The following HUS1B variants were observed in gnomAD, a reference collection of about 807,000 sequenced individuals.
The protein encoded by HUS1B is checkpoint protein HUS1B.
For missense variants in HUS1B, 475 were observed against 390.4 expected, an observed-to-expected ratio of 1.22 and a Z score of -1.83; for synonymous variants, 207 against 176.2, an observed-to-expected ratio of 1.17 and a Z score of -1.38.
Position 656,580 on chromosome 6 carries a change from A to T in HUS1B, c.365T>A (p.Leu122Gln). 1 of 1,592,674 alleles carries T rather than the reference A, an allele frequency of 6.3e-7. No individual in the cohort carries two copies. Among genetic ancestry groups the T allele is most frequent in the Non-Finnish European group, 8.5e-7 (1 of 1,170,236 alleles). The change falls in exon 1 of 1, where the codon CTG becomes CAG. Residue 122 changes from leucine (L) to glutamine (Q), a missense_variant. Coordinates refer to ENST00000380907, the MANE Select transcript of HUS1B (RefSeq NM_148959.4). ...GTGCACCACGCTGCGAGCGCGGCCCAGGGACGAGACCAGCTCCACCGCCAC... is the reference window on the plus strand; with the variant it reads ...GTGCACCACGCTGCGAGCGCGGCCCTGGGACGAGACCAGCTCCACCGCCAC... ...LTVAVELVSSLGRARSVVHDL... is the reference protein window; with the variant it reads ...LTVAVELVSSQGRARSVVHDL...
Position 656,454 on chromosome 6 carries a change from G to A in HUS1B, c.491C>T (p.Thr164Met), listed in dbSNP as rs996309309. 1 of 1,612,928 alleles carries A rather than the reference G, an allele frequency of 6.2e-7. No individual in the cohort carries two copies. The highest frequency in any genetic ancestry group is 1.3e-5 in the African/African-American group (1 of 74,934). The change falls in exon 1 of 1, where the codon ACG becomes ATG. Residue 164 changes from threonine to methionine, a missense_variant. Physicochemically the swap from Thr to Met is moderately conservative, Grantham distance 81. Coordinates refer to ENST00000380907, the MANE Select transcript of HUS1B (RefSeq NM_148959.4). ...DASIRLPRWR[T>M]LRSIVERMAN... ...CATCCTCTCCACGATGCTCCTCAGC[G>A]TCCTCCAGCGCGGCAGGCGGATGCT... is the stretch of plus-strand genomic sequence containing the variant.
Position 657,038 on chromosome 6 carries a change from C to G in HUS1B, c.-94G>C, listed in dbSNP as rs986162279. On this transcript the variant is annotated 5_prime_UTR_variant, in exon 1 of 1. Coordinates refer to ENST00000380907, the MANE Select transcript of HUS1B (RefSeq NM_148959.4). ...CTGGGGTCCGTGGCGCTGCCCTCCC[C>G]GCCCTCCCTCCGGCCCCCCAGCTAG... 12 of 1,076,054 alleles carry G rather than the reference C, an allele frequency of 1.1e-5. No homozygotes were observed. The African/African-American group carries it at 1.7e-4, about 15-fold the overall frequency. 66.7% of individuals were successfully genotyped at this position (1,076,054 alleles called of 1,614,324 possible).
At position 656,350 on chromosome 6, in the gene HUS1B, A is replaced by G. The variant is rs370776953; in HGVS notation, c.595T>C (p.Ser199Pro). The change falls in exon 1 of 1, where the codon TCC becomes CCC. Residue 199 changes from serine (S) to proline (P), a missense_variant. Coordinates refer to ENST00000380907, the MANE Select transcript of HUS1B (RefSeq NM_148959.4). ...MTLSIETEVV[S>P]IQSYFKNLGN... ...AGATTTTTAAAATAACTTTGAATGG[A>G]CACCACCTCCGTCTCTATACTCAGG... 74 of 1,614,008 alleles carry G rather than the reference A, an allele frequency of 4.6e-5. No homozygotes were observed. Among genetic ancestry groups the G allele is most frequent in the Non-Finnish European group, 6.3e-5 (74 of 1,180,018 alleles).
rs952087853 is a variant in HUS1B at position 656,697 on chromosome 6, G to C, written c.248C>G (p.Thr83Arg). The change falls in exon 1 of 1, where the codon ACG becomes AGG. Residue 83 changes from threonine to arginine, a missense_variant. By Grantham distance (71) the Thr-to-Arg change is moderately conservative. Transcript: ENST00000380907. Reference protein sequence around the residue: ...EDLDEIHLELTAEHLSRAARS... With the variant: ...EDLDEIHLELRAEHLSRAARS... ...CGCCGCCCGGGACAGGTGCTCCGCC[G>C]TCAGCTCCAGGTGGATCTCATCGAG... 16 of 1,605,216 alleles carry C rather than the reference G, an allele frequency of 1.0e-5. No homozygotes were observed. The highest frequency in any genetic ancestry group is 1.4e-5 in the Non-Finnish European group (16 of 1,175,924).
chr6:656,079 TA>T lies in HUS1B; in HGVS notation c.*28del, dbSNP rs573327985. On this transcript the variant is annotated 3_prime_UTR_variant, in exon 1 of 1. Transcript: ENST00000380907. ...TTTAGTTTTGAAAAGATCAAAACCT[TA>T]AAAAAAAAATCTAAGCTGGCTGAAT... 3,996 of 1,385,730 alleles carry T rather than the reference TA, an allele frequency of 2.9e-3. 37 individuals carry two copies. The African/African-American group carries it at 0.036, about 13-fold the overall frequency. 85.8% of individuals were successfully genotyped at this position (1,385,730 alleles called of 1,614,324 possible). A position where few individuals can be genotyped will look rare whatever the true frequency, so the allele number is the denominator to read the frequency against.
chr6:657,025 G>T lies in HUS1B; in HGVS notation c.-81C>A. ...CCCTTCCGGTCCGCTGGGGTCCGTG[G>T]CGCTGCCCTCCCCGCCCTCCCTCCG... is the stretch of plus-strand genomic sequence containing the variant. On this transcript the variant is annotated 5_prime_UTR_variant, in exon 1 of 1. Coordinates refer to ENST00000380907, the MANE Select transcript of HUS1B (RefSeq NM_148959.4). The T allele has an allele frequency of 8.2e-7, 1 of 1,216,866 alleles. No individual in the cohort carries two copies. 75.4% of individuals were successfully genotyped at this position (1,216,866 alleles called of 1,614,324 possible).
Position 657,050 on chromosome 6 carries a change from GGC to G in HUS1B, c.-108_-107del, listed in dbSNP as rs200930607. The G allele has an allele frequency of 3.0e-3, 2,904 of 961,668 alleles. 58 individuals carry two copies. The African/African-American group carries it at 0.044, about 15-fold the overall frequency. 59.6% of individuals were successfully genotyped at this position (961,668 alleles called of 1,614,324 possible). On this transcript the variant is annotated 5_prime_UTR_variant, in exon 1 of 1. Transcript: ENST00000380907. ...GCGCTGCCCTCCCCGCCCTCCCTCC[GGC>G]CCCCCAGCTAGGCAGGCACTCGGGT...
chr6:656,038 T>C lies in HUS1B; in HGVS notation c.*70A>G. 8.5e-7 allele frequency: 1 copy of C among 1,179,336 alleles called. No homozygotes were observed. The highest frequency in any genetic ancestry group is 1.4e-5 in the South Asian group (1 of 69,596). The allele number at this position is 1,179,336 out of a possible 1,614,324, so 73.1% of individuals were successfully genotyped here. On this transcript the variant is annotated 3_prime_UTR_variant, in exon 1 of 1. Transcript: ENST00000380907. ...GTGAAGGTCCAAATTTTCAACCCAATTAACTCAGGGTCTGTTTTAGTTTTG... is the reference window on the plus strand; with the variant it reads ...GTGAAGGTCCAAATTTTCAACCCAACTAACTCAGGGTCTGTTTTAGTTTTG...
At position 655,945 on chromosome 6, in the gene HUS1B, A is replaced by C. The variant is rs1763054569; in HGVS notation, c.*163T>G. 5.1e-6 allele frequency: 3 copies of C among 585,590 alleles called. No individual in the cohort carries two copies. The allele number at this position is 585,590 out of a possible 1,614,324, so 36.3% of individuals were successfully genotyped here. A position where few individuals can be genotyped will look rare whatever the true frequency, so the allele number is the denominator to read the frequency against. On this transcript the variant is annotated 3_prime_UTR_variant, in exon 1 of 1. Coordinates refer to ENST00000380907, the MANE Select transcript of HUS1B (RefSeq NM_148959.4). ...AAAACATGAACTACCCAACTGTTTT[A>C]CCAATGCTTTAATATAAATTTTGCA...
At position 656,790 on chromosome 6, in the gene HUS1B, G is replaced by T; in HGVS notation, c.155C>A (p.Ala52Asp). 6.2e-7 allele frequency: 1 copy of T among 1,603,544 alleles called. No individual in the cohort carries two copies. Among genetic ancestry groups the T allele is most frequent in the African/African-American group, 1.3e-5 (1 of 74,726 alleles). ...GPAGSGGLHE[A>D]RLWCEVRQGA... ...CTGCCGCACCTCGCACCACAGCCTGGCCTCGTGGAGGCCGCCGGAACCCGC... is the reference window on the plus strand; with the variant it reads ...CTGCCGCACCTCGCACCACAGCCTGTCCTCGTGGAGGCCGCCGGAACCCGC... Residue 52 changes from alanine to aspartate, a missense_variant, in exon 1 of 1, where the codon GCC becomes GAC. Ala to Asp is a moderately radical substitution (Grantham distance 126). Coordinates refer to ENST00000380907, the MANE Select transcript of HUS1B (RefSeq NM_148959.4).
In HUS1B at chr6:656,565, C is replaced by T. The variant is rs754570913; in HGVS notation, c.380G>A (p.Ser127Asn). 1.2e-5 allele frequency: 19 copies of T among 1,592,570 alleles called. No individual in the cohort carries two copies. The East Asian group carries it at 4.3e-4, about 36-fold the overall frequency. ...ELVSSLGRAR[S>N]VVHDLPVRVL... ...CCGCACGGGCAGATCGTGCACCACG[C>T]TGCGAGCGCGGCCCAGGGACGAGAC... is the stretch of plus-strand genomic sequence containing the variant. The change falls in exon 1 of 1, where the codon AGC becomes AAC. Residue 127 changes from serine to asparagine, a missense_variant. By Grantham distance (46) the Ser-to-Asn change is conservative. Transcript: ENST00000380907.
Position 656,088 on chromosome 6 carries a change from A to T in HUS1B, c.*20T>A. On this transcript the variant is annotated 3_prime_UTR_variant, in exon 1 of 1. Coordinates refer to ENST00000380907, the MANE Select transcript of HUS1B (RefSeq NM_148959.4). ...GAAAAGATCAAAACCTTAAAAAAAA[A>T]ATCTAAGCTGGCTGAATTTTTACAA... 1.3e-6 allele frequency: 2 copies of T among 1,562,936 alleles called. No homozygotes were observed. Among genetic ancestry groups the T allele is most frequent in the Non-Finnish European group, 1.8e-6 (2 of 1,142,152 alleles).
At position 656,711 on chromosome 6, in the gene HUS1B, G is replaced by T; in HGVS notation, c.234C>A (p.Ile78=). The T allele has an allele frequency of 2.5e-6, 4 of 1,601,878 alleles. No individual in the cohort carries two copies. Among genetic ancestry groups the T allele is most frequent in the Non-Finnish European group, 3.4e-6 (4 of 1,173,596 alleles). Residue 78 remains isoleucine (I), a synonymous_variant, in exon 1 of 1, where the codon ATC becomes ATA. Coordinates refer to ENST00000380907, the MANE Select transcript of HUS1B (RefSeq NM_148959.4). ...MEGVSEDLDE[I]HLELTAEHLS... is the part of the protein sequence containing the mutation. ...GGTGCTCCGCCGTCAGCTCCAGGTGGATCTCATCGAGATCTTCCGAGACAC... is the reference window on the plus strand; with the variant it reads ...GGTGCTCCGCCGTCAGCTCCAGGTGTATCTCATCGAGATCTTCCGAGACAC...
Position 656,819 on chromosome 6 carries a change from G to A in HUS1B, c.126C>T (p.Gly42=). The change falls in exon 1 of 1, where the codon GGC becomes GGT. Residue 42 remains glycine, a synonymous_variant. Transcript: ENST00000380907. ...CGTGGAGGCCGCCGGAACCCGCGGG[G>A]CCGAAGCACAGGCTGTCAGGGCGCA... ...LRVRPDSLCF[G]PAGSGGLHEA... 8 of 1,609,516 alleles carry A rather than the reference G, an allele frequency of 5.0e-6. No individual in the cohort carries two copies. Among genetic ancestry groups the A allele is most frequent in the African/African-American group, 1.3e-5 (1 of 74,902 alleles).
rs201555162 is a variant in HUS1B, at chr6:656,891, G to C, written c.54C>G (p.His18Gln). ...TGKGCLELFIHVSGTVARLAK... is the reference protein window; with the variant it reads ...TGKGCLELFIQVSGTVARLAK... ...CTAGCCTCGCGACGGTGCCGCTGAC[G>C]TGAATGAACAGCTCTAGACAGCCTT... is the stretch of plus-strand genomic sequence containing the variant. Residue 18 changes from histidine to glutamine, a missense_variant, in exon 1 of 1, where the codon CAC becomes CAG. His to Gln is a conservative substitution (Grantham distance 24). Transcript: ENST00000380907. 3 of 1,597,456 alleles carry C rather than the reference G, an allele frequency of 1.9e-6. No homozygotes were observed. Among genetic ancestry groups the C allele is most frequent in the South Asian group, 1.1e-5 (1 of 89,084 alleles).
rs1763128895 is a variant in HUS1B at position 656,749 on chromosome 6, A to G, written c.196T>C (p.Phe66Leu). The change falls in exon 1 of 1, where the codon TTT (phenylalanine) becomes CTT (leucine). Residue 66 changes from phenylalanine (F) to leucine (L), a missense_variant. Coordinates refer to ENST00000380907, the MANE Select transcript of HUS1B (RefSeq NM_148959.4). ...TCTTCCGAGACACCTTCCATGCGAA[A>G]CTGCTGGAAGGCCCCCTGCCGCACC... The part of the protein sequence containing the change: ...CEVRQGAFQQ[F>L]RMEGVSEDLD... 1 of 1,589,228 alleles carries G rather than the reference A, an allele frequency of 6.3e-7. No individual in the cohort carries two copies. Among genetic ancestry groups the G allele is most frequent in the African/African-American group, 1.3e-5 (1 of 74,156 alleles).
Position 657,058 on chromosome 6 carries a change from A to G in HUS1B, c.-114T>C. The G allele has an allele frequency of 1.1e-6, 1 of 887,550 alleles. No individual in the cohort carries two copies. The highest frequency in any genetic ancestry group is 1.6e-6 in the Non-Finnish European group (1 of 611,392). The allele number at this position is 887,550 out of a possible 1,614,324, so 55.0% of individuals were successfully genotyped here. On this transcript the variant is annotated 5_prime_UTR_variant, in exon 1 of 1. Coordinates refer to ENST00000380907, the MANE Select transcript of HUS1B (RefSeq NM_148959.4). ...CTCCCCGCCCTCCCTCCGGCCCCCCAGCTAGGCAGGCACTCGGGTTCCCGG... is the reference window on the plus strand; with the variant it reads ...CTCCCCGCCCTCCCTCCGGCCCCCCGGCTAGGCAGGCACTCGGGTTCCCGG...
Position 656,684 on chromosome 6 carries a change from C to G in HUS1B, c.261G>C (p.Leu87=). ...CCGCTGCGCTTCTCGCCGCCCGGGA[C>G]AGGTGCTCCGCCGTCAGCTCCAGGT... The part of the protein sequence containing the change: ...EIHLELTAEH[L]SRAARSAAGA... Residue 87 remains leucine (L), a synonymous_variant, in exon 1 of 1, where the codon CTG becomes CTC. Transcript: ENST00000380907. 6.2e-7 allele frequency: 1 copy of G among 1,606,828 alleles called. No homozygotes were observed. The highest frequency in any genetic ancestry group is 8.5e-7 in the Non-Finnish European group (1 of 1,176,734).
chr6:656,389 T>A lies in HUS1B; in HGVS notation c.556A>T (p.Ser186Cys). Reference protein sequence around the residue: ...GSHVLVEANLSGRMTLSIETE... With the variant: ...GSHVLVEANLCGRMTLSIETE... ...TCTATACTCAGGGTCATCCTGCCAC[T>A]GAGGTTTGCTTCCACCAGCACGTGA... is the stretch of plus-strand genomic sequence containing the variant. Residue 186 changes from serine (S) to cysteine (C), a missense_variant, in exon 1 of 1, where the codon AGT becomes TGT. By Grantham distance (112) the Ser-to-Cys change is moderately radical. Transcript: ENST00000380907. 1 of 1,614,210 alleles carries A rather than the reference T, an allele frequency of 6.2e-7. No homozygotes were observed. Among genetic ancestry groups the A allele is most frequent in the Non-Finnish European group, 8.5e-7 (1 of 1,180,030 alleles).
Sources: gnomAD v4.1 joint callset for allele counts on GRCh38, gnomAD v4.1.1 for gene constraint, MANE v1.5 for transcripts, NCBI Gene and HGNC (gene_info 2026-07-23, HGNC 2026-07-21) for gene names.